Variants in SLIT1 observed in about 807,000 individuals in gnomAD.
The protein encoded by SLIT1 is slit homolog 1 protein.
In SLIT1, 66 loss-of-function variants were observed where a neutral mutation model predicts 186.1. The ratio of observed to expected loss-of-function variants is 0.35; its 90% CI spans 0.29 to 0.44. The LOEUF (loss-of-function observed/expected upper bound fraction) is 0.44. Among genes scored for constraint, SLIT1 ranks in the 20% least tolerant of loss-of-function variants. The pLI, the probability that SLIT1 is intolerant of heterozygous loss-of-function variation, is 1.00. For missense variants in SLIT1, 1,638 were observed against 2,037.4 expected (o/e 0.80, Z 3.77); for synonymous variants, 761 against 833.8 (o/e 0.91, Z 1.50).
chr10:97,090,925 G>T (rs1589389099), intron 4 of SLIT1, among the ~76,000 whole-genome samples: 1 of 152,232 alleles, frequency 6.6e-6, no homozygotes, highest in Non-Finnish European at 1.5e-5. Flanking sequence ...GGCAGCCCCG[G>T]TTCTCAGTAT....
chr10:97,170,994 G>A (rs761103727), intron 1 of SLIT1, among the ~76,000 whole-genome samples: 18 of 152,178 alleles, frequency 1.2e-4, no homozygotes, highest in Admixed American at 4.6e-4. Context: ...GGACTAGAAC[G>A]TTCCTTCCTC....
At chr10:97,126,274 C>T (rs575738953) in intron 4 of SLIT1, among the ~76,000 whole-genome samples, 3 of 152,320 alleles carry the variant, frequency 2.0e-5, no homozygotes, top group East Asian at 1.9e-4. Context: ...CAGACGTGAA[C>T]GTGCACATGG....
chr10:97,047,970 T>C lies in SLIT1; in HGVS notation c.1489+3A>G. 1 of 1,614,076 alleles carries C rather than the reference T, an allele frequency of 6.2e-7. No homozygotes were observed. The highest frequency in any genetic ancestry group is 8.5e-7 in the Non-Finnish European group (1 of 1,179,962). ...CTGGCCTTGGATCCCCCCACTCTCC[T>C]ACCTGGAATGAAGTACTGCTCTTTG... On this transcript the variant is annotated splice_donor_region_variant and intron_variant, in intron 15 of 36. Coordinates refer to ENST00000266058, the MANE Select transcript of SLIT1 (RefSeq NM_003061.3).
intron 1 of SLIT1, among the ~76,000 whole-genome samples, chr10:97,165,276 G>A (rs189407329): frequency 6.6e-4 from 101 of 152,284 alleles, no homozygotes; most frequent in Non-Finnish European, 1.1e-3. Context: ...TATAAAATGC[G>A]GACAACTGTG....
rs1848504239 is a variant in SLIT1, at chr10:97,021,775, C to T, written c.2583-362G>A. On this transcript the variant is annotated intron_variant, in intron 25 of 36. Transcript: ENST00000266058. The surrounding 1 kb of genome is among the most constrained non-coding windows in gnomAD (Gnocchi z 4.5). ...ACGGGGTTTCACCATATTGACCAGG[C>T]TGGTCTTGAACTCCTAAACTCAGGT... 6.6e-6 allele frequency among the ~76,000 whole-genome samples: 1 copy of T among 152,118 alleles called. No homozygotes were observed. The highest frequency in any genetic ancestry group is 2.4e-5 in the African/African-American group (1 of 41,428).
chr10:97,169,631 A>G (rs1850161627), intron 1 of SLIT1, among the ~76,000 whole-genome samples: 1 of 152,196 alleles, frequency 6.6e-6, no homozygotes, highest in African/African-American at 2.4e-5. Context: ...CCACCTGGGC[A>G]GGTCCCAGCC....
At chr10:97,092,807 A>T (rs945455590) in intron 4 of SLIT1, among the ~76,000 whole-genome samples, 9 of 152,264 alleles carry the variant, frequency 5.9e-5, no homozygotes, top group Admixed American at 4.6e-4. Context: ...AAATGATAAT[A>T]AAAATAGGAG....
In SLIT1 at chr10:97,043,302, G is replaced by T; in HGVS notation, c.1997+68C>A. ...CCCCCAGGGTGAGCTCTTTCAAAGT[G>T]GCTGGCCGAGACGGTTGGGACGGTT... On this transcript the variant is annotated intron_variant, in intron 19 of 36. Coordinates refer to ENST00000266058, the MANE Select transcript of SLIT1 (RefSeq NM_003061.3). The surrounding 1 kb of genome is among the most constrained non-coding windows in gnomAD (Gnocchi z 7.0). 6.3e-7 allele frequency: 1 copy of T among 1,591,646 alleles called. No homozygotes were observed. Among genetic ancestry groups the T allele is most frequent in the South Asian group, 1.1e-5 (1 of 89,922 alleles).
At chr10:97,009,041 G>T (rs924135491) in intron 31 of SLIT1, among the ~76,000 whole-genome samples, 10 of 151,844 alleles carry the variant, frequency 6.6e-5, no homozygotes, top group Admixed American at 1.3e-4. Flanking sequence ...TGCCATGCCT[G>T]GTTAATTTTT....
At chr10:97,174,379 C>T (rs997941469) in intron 1 of SLIT1, among the ~76,000 whole-genome samples, 1 of 152,230 alleles carries the variant, frequency 6.6e-6, no homozygotes, top group Non-Finnish European at 1.5e-5. Context: ...GCCTTGCACG[C>T]ACTCCCGTCA....
chr10:97,008,015 A>G (rs1428450033), intron 31 of SLIT1, among the ~76,000 whole-genome samples: 1 of 151,052 alleles, frequency 6.6e-6, no homozygotes, highest in Non-Finnish European at 1.5e-5. Flanking sequence ...GGGGGAAGGC[A>G]GGAAGGCAAG....
In SLIT1 at chr10:97,043,146, A is replaced by ACACAGGGC. The variant is rs1287059143; in HGVS notation, c.1998-87_1998-80dup. 6 of 1,477,316 alleles carry ACACAGGGC rather than the reference A, an allele frequency of 4.1e-6. No individual in the cohort carries two copies. Among genetic ancestry groups the ACACAGGGC allele is most frequent in the Non-Finnish European group, 5.5e-6 (6 of 1,081,160 alleles). 91.5% of individuals were successfully genotyped at this position (1,477,316 alleles called of 1,614,324 possible). On this transcript the variant is annotated intron_variant, in intron 19 of 36. Coordinates refer to ENST00000266058, the MANE Select transcript of SLIT1 (RefSeq NM_003061.3). This position sits in a 1 kb window ranked among gnomAD's most constrained non-coding sequence, Gnocchi z 7.0. ...CCAGCAAACCCCTCCTGTACCACGG[A>ACACAGGGC]CACAGGGCCACATGGCCACATGGCA...
At chr10:97,038,850 A>C (rs1848665187) in intron 21 of SLIT1, among the ~76,000 whole-genome samples, 1 of 152,116 alleles carries the variant, frequency 6.6e-6, no homozygotes, top group South Asian at 2.1e-4. Flanking sequence ...AAGTAGTCCC[A>C]TTTCACAGAT....
Position 97,004,829 on chromosome 10 carries a change from G to A in SLIT1, c.3580-6C>T, listed in dbSNP as rs181242688. The A allele has an allele frequency of 6.2e-7, 1 of 1,614,110 alleles. No homozygotes were observed. The highest frequency in any genetic ancestry group is 2.2e-5 in the East Asian group (1 of 44,878). ...TTGTCCTCTGCCGTGGAGACCTGATGGGCAGTGGCACTTTCTCTCCCACCC... is the reference window on the plus strand; with the variant it reads ...TTGTCCTCTGCCGTGGAGACCTGATAGGCAGTGGCACTTTCTCTCCCACCC... On this transcript the variant is annotated splice_region_variant and splice_polypyrimidine_tract_variant and intron_variant, in intron 32 of 36. Transcript: ENST00000266058. The surrounding 1 kb of genome is among the most constrained non-coding windows in gnomAD (Gnocchi z 5.1).
At chr10:97,090,429 T>C (rs1460587673) in intron 4 of SLIT1, among the ~76,000 whole-genome samples, 1 of 151,906 alleles carries the variant, frequency 6.6e-6, no homozygotes, top group African/African-American at 2.4e-5. Flanking sequence ...AAGAAGGTGG[T>C]GGCTAGAGCC....
chr10:97,032,310 T>C (rs189723500), intron 23 of SLIT1, among the ~76,000 whole-genome samples: 34 of 152,260 alleles, frequency 2.2e-4, no homozygotes, highest in Admixed American at 9.8e-4. Flanking sequence ...GGCTGACTCT[T>C]GTAATCCCAG....
At chr10:97,081,725 G>C (rs972264532) in intron 4 of SLIT1, among the ~76,000 whole-genome samples, 2 of 152,182 alleles carry the variant, frequency 1.3e-5, no homozygotes, top group Non-Finnish European at 2.9e-5. Context: ...CTGTTAACAG[G>C]AGCAAGGAAG....
intron 1 of SLIT1, among the ~76,000 whole-genome samples, chr10:97,171,174 G>A (rs970138683): frequency 2.0e-5 from 3 of 152,200 alleles, no homozygotes; most frequent in African/African-American, 7.2e-5. Context: ...CTGCGGCGCT[G>A]AGAGTGTGCA....
At chr10:97,136,404 TCTTCTACAGTGTGAGTAGGTCACCAACAA>T (rs1322582261) in intron 4 of SLIT1, among the ~76,000 whole-genome samples, 1 of 152,250 alleles carries the variant, frequency 6.6e-6, no homozygotes, top group Non-Finnish European at 1.5e-5. Flanking sequence ...TGCATTGGCC[TCTTCTACAGTGTGAGTAGGTCACCAACAA>T]TGTGTCCATA....
Sources: allele counts gnomAD v4.1 joint callset (sites outside exome capture counted in the v4.1 genomes callset), GRCh38; gene constraint gnomAD v4.1.1; non-coding constraint Gnocchi (gnomAD v3.1); transcripts MANE v1.5; gene names NCBI Gene and HGNC (gene_info 2026-07-23, HGNC 2026-07-21).